KCNMA1: variants seen among roughly 807,000 people sequenced by gnomAD.
The protein encoded by KCNMA1 is Calcium-activated potassium channel subunit alpha-1.
KCNMA1 carries 29 observed loss-of-function variants against 140.0 expected under a neutral mutation model. The ratio of observed to expected loss-of-function variants is 0.21; its 90% CI spans 0.15 to 0.28. KCNMA1 has a LOEUF of 0.28. KCNMA1 is among the 10% of genes least tolerant of loss of function. KCNMA1 has a pLI of 1.00. For missense variants in KCNMA1, 880 were observed against 1,602.2 expected (o/e 0.55, Z 7.70); for synonymous variants, 612 against 611.9 (o/e 1.00, Z 0.00).
intron 19 of KCNMA1, chr10:76,970,376 A>C: frequency 3.2e-6 from 1 of 315,186 alleles, no homozygotes; most frequent in Non-Finnish European, 6.0e-6. Context: ...TATACCAAAA[A>C]AAATACTTAT....
intron 1 of KCNMA1, among the ~76,000 whole-genome samples, chr10:77,494,873 C>A (rs1188404587): frequency 2.0e-5 from 3 of 152,310 alleles, no homozygotes; most frequent in Admixed American, 6.5e-5. Context: ...GTTTTCTTGT[C>A]CTTCCTTGGC....
intron 19 of KCNMA1, among the ~76,000 whole-genome samples, chr10:76,978,797 G>A (rs1463066644): frequency 6.6e-6 from 1 of 152,174 alleles, no homozygotes. Context: ...CATGGCTACA[G>A]CTGCTAGTTT....
At chr10:77,337,408 G>A (rs933879342) in intron 2 of KCNMA1, among the ~76,000 whole-genome samples, 3 of 152,154 alleles carry the variant, frequency 2.0e-5, no homozygotes, top group African/African-American at 7.2e-5. Context: ...GTCATTTGAG[G>A]TCGAGTTCCA....
chr10:77,132,273 T>C (rs1596658917), intron 5 of KCNMA1, among the ~76,000 whole-genome samples: 1 of 152,146 alleles, frequency 6.6e-6, no homozygotes, highest in Admixed American at 6.5e-5. Flanking sequence ...CACAGCAAAG[T>C]AGAGGGCTGA....
intron 2 of KCNMA1, among the ~76,000 whole-genome samples, chr10:77,256,525 C>T (rs2574796): frequency 0.77 from 116,800 of 152,170 alleles, 45,408 homozygotes; most frequent in East Asian, 0.96. Flanking sequence ...AGAGATTAAT[C>T]TACAAATGTC....
intron 2 of KCNMA1, among the ~76,000 whole-genome samples, chr10:77,403,166 G>A (rs1015725264): frequency 2.0e-5 from 3 of 152,180 alleles, no homozygotes. Context: ...AGGCCAGCCA[G>A]TGAAGCCAAG....
intron 1 of KCNMA1, among the ~76,000 whole-genome samples, chr10:77,565,740 G>T (rs764571930): frequency 4.1e-4 from 62 of 152,214 alleles, no homozygotes; most frequent in Non-Finnish European, 7.6e-4. Flanking sequence ...CAAGATAAGT[G>T]GTTAGTAACT....
intron 20 of KCNMA1, among the ~76,000 whole-genome samples, chr10:76,960,479 C>T (rs574928706): frequency 6.6e-6 from 1 of 151,032 alleles, no homozygotes; most frequent in East Asian, 2.0e-4. Flanking sequence ...GTTGAGGCTG[C>T]CAGTGAGCCG....
At chr10:77,273,255 T>TA (rs2065686688) in intron 2 of KCNMA1, among the ~76,000 whole-genome samples, 2 of 152,176 alleles carry the variant, frequency 1.3e-5, no homozygotes, top group Admixed American at 6.5e-5. Flanking sequence ...TCTGTTTTTC[T>TA]AAAACAAAAA....
intron 23 of KCNMA1, among the ~76,000 whole-genome samples, chr10:76,917,524 G>C (rs868801151): frequency 2.6e-5 from 4 of 152,062 alleles, no homozygotes; most frequent in Middle Eastern, 3.2e-3. Flanking sequence ...TTGCTTCATA[G>C]GCTTCTTTCA....
chr10:77,229,546 G>A (rs1599364424), intron 3 of KCNMA1, among the ~76,000 whole-genome samples: 3 of 152,266 alleles, frequency 2.0e-5, no homozygotes, highest in Admixed American at 2.0e-4. Context: ...TATTGCTGTT[G>A]TATGGATGGA....
chr10:77,241,468 AC>A (rs958922419), intron 3 of KCNMA1, among the ~76,000 whole-genome samples: 5 of 141,252 alleles, frequency 3.5e-5, no homozygotes, highest in Admixed American at 1.4e-4. Flanking sequence ...ACACAGTGAG[AC>A]CCCCCCATCT....
intron 2 of KCNMA1, among the ~76,000 whole-genome samples, chr10:77,310,870 A>T (rs980834044): frequency 6.6e-6 from 1 of 152,202 alleles, no homozygotes; most frequent in Non-Finnish European, 1.5e-5. Context: ...AGAAAAGTCT[A>T]TTTATTTTCA....
At chr10:76,950,897 TG>T (rs1433352349) in intron 21 of KCNMA1, among the ~76,000 whole-genome samples, 3 of 152,130 alleles carry the variant, frequency 2.0e-5, no homozygotes, top group Non-Finnish European at 4.4e-5. Context: ...GAAGACCCAC[TG>T]GGGAGCTCAC....
chr10:77,302,239 C>T (rs186009673), intron 2 of KCNMA1, among the ~76,000 whole-genome samples: 66 of 152,254 alleles, frequency 4.3e-4, no homozygotes, highest in African/African-American at 1.5e-3. Flanking sequence ...TGGATCCAGA[C>T]CTGGGAAAGG....
intron 19 of KCNMA1, among the ~76,000 whole-genome samples, chr10:76,976,632 T>C (rs1291964087): frequency 6.6e-6 from 1 of 152,110 alleles, no homozygotes; most frequent in African/African-American, 2.4e-5. Context: ...ACTCAGCATG[T>C]ACCAAAGCCC....
chr10:77,267,848 TTTAAG>T (rs2063843126), intron 2 of KCNMA1, among the ~76,000 whole-genome samples: 1 of 152,192 alleles, frequency 6.6e-6, no homozygotes, highest in African/African-American at 2.4e-5. Context: ...CCTGGGGACA[TTTAAG>T]TTGACACAGG....
chr10:77,491,022 A>G (rs2098525442), intron 1 of KCNMA1, among the ~76,000 whole-genome samples: 2 of 152,188 alleles, frequency 1.3e-5, no homozygotes, highest in South Asian at 4.1e-4. Flanking sequence ...GTTGCTAAAT[A>G]ACTCAGTGTT....
intron 9 of KCNMA1, among the ~76,000 whole-genome samples, chr10:77,095,362 T>C (rs1042542741): frequency 2.0e-5 from 3 of 152,172 alleles, no homozygotes; most frequent in Non-Finnish European, 4.4e-5. Flanking sequence ...AGCTGACAGG[T>C]CATGGCTTAG....
Sources: allele counts gnomAD v4.1 joint callset (sites outside exome capture counted in the v4.1 genomes callset), GRCh38; gene constraint gnomAD v4.1.1; transcripts MANE v1.5; gene names NCBI Gene and HGNC (gene_info 2026-07-23, HGNC 2026-07-21).